Variants in BMP6 observed in about 807,000 individuals in gnomAD.
BMP6 encodes the protein bone morphogenetic protein 6, also known as VG-1-R.
BMP6 carries 17 observed loss-of-function variants against 54.1 expected under a neutral mutation model. The observed-to-expected ratio is 0.31, with a 90% CI of 0.22 to 0.47. The LOEUF is 0.47. BMP6 is among the 20% of genes least tolerant of loss of function. The pLI is 1.00. For synonymous variants in BMP6, 328 were observed against 291.2 expected, an observed-to-expected ratio of 1.13 and a Z score of -1.28; for missense variants, 720 against 690.4, an observed-to-expected ratio of 1.04 and a Z score of -0.48.
intron 1 of BMP6, among the ~76,000 whole-genome samples, chr6:7,771,060 T>C (rs1757777870): frequency 6.6e-6 from 1 of 152,210 alleles, no homozygotes; most frequent in Admixed American, 6.5e-5. Flanking sequence ...AGAATCTGTG[T>C]TTTTGCTTGT....
intron 1 of BMP6, among the ~76,000 whole-genome samples, chr6:7,816,705 T>C (rs1440727319): frequency 2.0e-5 from 3 of 152,178 alleles, no homozygotes. Context: ...TTGATTAAAG[T>C]GCACAGCAGA....
At chr6:7,861,722 T>C in intron 3 of BMP6, 123 bp downstream of exon 3, 2 of 1,374,524 alleles carry the variant, frequency 1.5e-6, no homozygotes, top group Non-Finnish European at 2.0e-6. Flanking sequence ...TGGCCTCATT[T>C]ACTGATCCCC....
chr6:7,855,332 C>T (rs1310432162), intron 2 of BMP6, among the ~76,000 whole-genome samples: 1 of 152,072 alleles, frequency 6.6e-6, no homozygotes, highest in African/African-American at 2.4e-5. Context: ...ATTCTCAGGC[C>T]CCTCCCCAAG....
intron 4 of BMP6, among the ~76,000 whole-genome samples, chr6:7,873,659 G>A (rs1414943450): frequency 6.6e-6 from 1 of 152,104 alleles, no homozygotes; most frequent in Non-Finnish European, 1.5e-5. Context: ...CCATCCTGAA[G>A]CTAATGAGGT....
chr6:7,814,146 C>T lies in BMP6; in HGVS notation c.665-30994C>T, dbSNP rs1758488102. On this transcript the variant is annotated intron_variant, in intron 1 of 6. Coordinates refer to ENST00000283147, the MANE Select transcript of BMP6 (RefSeq NM_001718.6). ...TCCCTCTGCCTCTCTCTTCTGTTAC[C>T]AGCTAGAGAAAACTATGTGCTTTTA... 3.9e-5 allele frequency among the ~76,000 whole-genome samples: 6 copies of T among 152,334 alleles called. 2 individuals are homozygous for T. In the South Asian group the frequency reaches 1.2e-3, roughly 32 times the overall value.
At chr6:7,780,558 AAAGC>A (rs1294851559) in intron 1 of BMP6, among the ~76,000 whole-genome samples, 1 of 152,124 alleles carries the variant, frequency 6.6e-6, no homozygotes, top group Non-Finnish European at 1.5e-5. Flanking sequence ...GCAAAAAAAA[AAAGC>A]AAGGGAGACT....
At chr6:7,845,044 T>C in intron 1 of BMP6, 96 bp from the exon 2 acceptor site, 1 of 1,116,428 alleles carries the variant, frequency 9.0e-7, no homozygotes, top group East Asian at 2.4e-5. Context: ...TAATTGGTAA[T>C]CCACCTATGA....
intron 1 of BMP6, 65 bp downstream of exon 1, chr6:7,727,684 G>T (rs1222604138): frequency 4.2e-6 from 6 of 1,430,994 alleles, no homozygotes; most frequent in Middle Eastern, 3.7e-4. Flanking sequence ...GGGCCCAGGG[G>T]ATGGAGTGAG....
intron 1 of BMP6, among the ~76,000 whole-genome samples, chr6:7,741,342 C>T (rs1256394826): frequency 2.0e-5 from 3 of 152,166 alleles, no homozygotes; most frequent in African/African-American, 4.8e-5. Context: ...GTCACCCAGG[C>T]TGGAATGCAG....
At chr6:7,765,976 G>A (rs891873701) in intron 1 of BMP6, among the ~76,000 whole-genome samples, 20 of 152,108 alleles carry the variant, frequency 1.3e-4, no homozygotes, top group African/African-American at 4.6e-4. Flanking sequence ...GGGCCCAGCT[G>A]AATAATCCAG....
At chr6:7,826,503 T>A (rs1002739800) in intron 1 of BMP6, among the ~76,000 whole-genome samples, 2 of 152,208 alleles carry the variant, frequency 1.3e-5, no homozygotes, top group African/African-American at 4.8e-5. Context: ...GGCTCCTTAA[T>A]GCCAACCTCT....
rs1433874168 is a variant in BMP6 at position 7,726,569 on chromosome 6, G to A, written c.-387G>A. 6.6e-6 allele frequency among the ~76,000 whole-genome samples: 1 copy of A among 152,166 alleles called. No homozygotes were observed. The highest frequency in any genetic ancestry group is 6.5e-5 in the Admixed American group (1 of 15,290). On this transcript the variant is annotated 5_prime_UTR_variant, in exon 1 of 7. Transcript: ENST00000283147. The stretch of plus-strand genomic sequence containing the variant: ...CACTCAGTCGCCAGGGAGAGCGCGG[G>A]GCAGCGCACGTGTGCGGCCAGCGAG...
chr6:7,834,185 CTTT>C (rs34020369), intron 1 of BMP6, among the ~76,000 whole-genome samples: 50 of 107,592 alleles, frequency 4.6e-4, no homozygotes, highest in Non-Finnish European at 5.9e-4. Context: ...AGAACAAATG[CTTT>C]TTTTTTTTTT....
At chr6:7,813,393 A>G (rs1340373108) in intron 1 of BMP6, among the ~76,000 whole-genome samples, 1 of 139,462 alleles carries the variant, frequency 7.2e-6, no homozygotes, top group Non-Finnish European at 1.5e-5. Flanking sequence ...AGGCCAAGGC[A>G]AGAGGTTGCT....
At chr6:7,789,134 C>T (rs971991759) in intron 1 of BMP6, among the ~76,000 whole-genome samples, 1 of 152,184 alleles carries the variant, frequency 6.6e-6, no homozygotes. Flanking sequence ...ATGCTGTATG[C>T]TAGACCTTCA....
chr6:7,881,441 T>A lies in BMP6; in HGVS notation c.*1098T>A, dbSNP rs1424066566. On this transcript the variant is annotated 3_prime_UTR_variant, in exon 7 of 7. Coordinates refer to ENST00000283147, the MANE Select transcript of BMP6 (RefSeq NM_001718.6). ...TCTACAACTGTTTGCACTTACAGCT[T>A]TTTTTGTAAATATAAACTATAATTT... is the stretch of plus-strand genomic sequence containing the variant. 4 of 152,286 alleles carry A rather than the reference T, an allele frequency of 2.6e-5. No individual in the cohort carries two copies. In the East Asian group the frequency reaches 7.7e-4, roughly 29 times the overall value. 9.4% of individuals were successfully genotyped at this position (152,286 alleles called of 1,614,324 possible).
chr6:7,878,547 C>T (rs189775790), intron 4 of BMP6, among the ~76,000 whole-genome samples: 273 of 152,316 alleles, frequency 1.8e-3, no homozygotes, highest in Admixed American at 4.6e-3. Context: ...ATTGCCCCTG[C>T]GTGGTGTCTC....
At chr6:7,749,736 G>A (rs903849605) in intron 1 of BMP6, among the ~76,000 whole-genome samples, 2 of 152,196 alleles carry the variant, frequency 1.3e-5, no homozygotes, top group Non-Finnish European at 2.9e-5. Context: ...TTGCCTGGTT[G>A]ATTCATTGTG....
intron 1 of BMP6, among the ~76,000 whole-genome samples, chr6:7,838,766 C>T (rs1758917066): frequency 6.6e-6 from 1 of 151,968 alleles, no homozygotes; most frequent in African/African-American, 2.4e-5. Context: ...TACGGTGAAA[C>T]CTCGTCTCTA....
Sources: allele counts gnomAD v4.1 joint callset (sites outside exome capture counted in the v4.1 genomes callset), GRCh38; gene constraint gnomAD v4.1.1; transcripts MANE v1.5; gene names NCBI Gene and HGNC (gene_info 2026-07-23, HGNC 2026-07-21).